CCPG1: variants seen among roughly 807,000 people sequenced by gnomAD.
CCPG1 encodes cell cycle progression protein 1.
Under a neutral mutation model 81.3 loss-of-function variants are expected in CCPG1, and 46 were observed. The observed-to-expected ratio is 0.57, with a 90% CI of 0.45 to 0.72. The LOEUF is 0.72. Among genes scored for constraint, CCPG1 ranks in the 30% least tolerant of loss-of-function variants. The probability of loss-of-function intolerance (pLI) is 0.00; values close to 1 mark genes in which losing one functional copy is unlikely to be tolerated. For synonymous variants in CCPG1, 330 were observed against 305.2 expected (o/e 1.08, Z -0.85); for missense variants, 902 against 937.6 (o/e 0.96, Z 0.50).
chr15:55,373,083 G>C, intron 5 of CCPG1: 1 of 509,820 alleles, frequency 2.0e-6, no homozygotes, highest in South Asian at 1.5e-5. Flanking sequence ...GAAAATAATA[G>C]TAGAGAAAAA....
intron 1 of CCPG1, among the ~76,000 whole-genome samples, chr15:55,398,886 C>G (rs1316767053): frequency 6.6e-6 from 1 of 152,052 alleles, no homozygotes; most frequent in African/African-American, 2.4e-5. Context: ...AGCATGAAAA[C>G]TTTTTTGAAG....
rs568771877 is a variant in CCPG1 at position 55,361,585 on chromosome 15, A to G, written c.829-641T>C. On this transcript the variant is annotated intron_variant, in intron 7 of 8. Coordinates refer to ENST00000442196, the MANE Select transcript of CCPG1 (RefSeq NM_001204450.2). ...GCTGGGCATGGTGGCATGCACCTGT[A>G]GTCCCAGCTACTTGGGAGGATGAGG... is the stretch of plus-strand genomic sequence containing the variant. Among the ~76,000 whole-genome samples the G allele has an allele frequency of 4.0e-4, 61 of 151,766 alleles. No homozygotes were observed. In the South Asian group the frequency reaches 0.012, roughly 31 times the overall value.
intron 6 of CCPG1, among the ~76,000 whole-genome samples, chr15:55,367,909 G>A: frequency 6.6e-6 from 1 of 152,078 alleles, no homozygotes; most frequent in East Asian, 1.9e-4. Context: ...TTAACTGACT[G>A]ACTATTCTAC....
At chr15:55,357,011 T>TA (rs1437351648) in intron 8 of CCPG1, 1 of 985,394 alleles carries the variant, frequency 1.0e-6, no homozygotes, top group Non-Finnish European at 1.2e-6. Flanking sequence ...ATTTTCAAGG[T>TA]ACCACTCCCC....
In CCPG1 at chr15:55,355,530, AG is replaced by A; in HGVS notation, c.*689del. On this transcript the variant is annotated 3_prime_UTR_variant, in exon 9 of 9. Coordinates refer to ENST00000442196, the MANE Select transcript of CCPG1 (RefSeq NM_001204450.2). Reference sequence around the variant, plus strand: ...GTAAGATTCATGGAACTTAGAAAAAAGCTGTATGAACTGCTTTACCAAATAT... The same window carrying A: ...GTAAGATTCATGGAACTTAGAAAAAACTGTATGAACTGCTTTACCAAATAT... The A allele has an allele frequency of 2.1e-6, 2 of 964,358 alleles. No individual in the cohort carries two copies. The highest frequency in any genetic ancestry group is 3.1e-6 in the Non-Finnish European group (2 of 646,446). 59.7% of individuals were successfully genotyped at this position (964,358 alleles called of 1,614,324 possible).
In CCPG1 at chr15:55,359,557, GA is replaced by G; in HGVS notation, c.2215del (p.Ser739ProfsTer16). 1.9e-6 allele frequency: 3 copies of G among 1,609,240 alleles called. No individual in the cohort carries two copies. Among genetic ancestry groups the G allele is most frequent in the South Asian group, 1.1e-5 (1 of 90,022 alleles). On this transcript the variant is annotated frameshift_variant, in exon 8 of 9. Transcript: ENST00000442196. LOFTEE classifies it high-confidence loss of function. ...IYRHFFGHTF[S>X]PPYGPSRPDK... ...AACCGACCTGGGTCCATATGGAGGG[GA>G]AAAAGTGTGACCAAAGAAGTGTCTA...
intron 1 of CCPG1, among the ~76,000 whole-genome samples, chr15:55,398,636 C>CA (rs1164393360): frequency 6.6e-6 from 1 of 151,808 alleles, no homozygotes; most frequent in Non-Finnish European, 1.5e-5. Context: ...GGCTGGAGAG[C>CA]AGTGGCGCGA....
chr15:55,373,013 G>C, intron 5 of CCPG1: 1 of 534,640 alleles, frequency 1.9e-6, no homozygotes. Flanking sequence ...ATGTCAGCAT[G>C]AGGAAGTGAC....
At position 55,383,064 on chromosome 15, in the gene CCPG1, AG is replaced by A. The variant is rs1458667397; in HGVS notation, c.175+2535del. On this transcript the variant is annotated intron_variant, in intron 3 of 8. Transcript: ENST00000442196. ...CATCAGAACAATCACTATCTATAGC[AG>A]CTACAGCCTTACAAAATGTATTTAT... Among the ~76,000 whole-genome samples, 3 of 152,358 alleles carry A rather than the reference AG, an allele frequency of 2.0e-5. 1 individual carries two copies. The highest frequency in any genetic ancestry group is 7.2e-5 in the African/African-American group (3 of 41,588).
chr15:55,363,355 A>C (rs57094422), intron 7 of CCPG1, among the ~76,000 whole-genome samples: 27,907 of 145,332 alleles, frequency 0.19, 4,944 homozygotes, highest in African/African-American at 0.44. Flanking sequence ...TCTCAGAAAA[A>C]AAACAAACAA....
intron 5 of CCPG1, 34 bp from the exon 6 acceptor site, chr15:55,372,078 A>C: frequency 6.3e-7 from 1 of 1,587,142 alleles, no homozygotes; most frequent in Non-Finnish European, 8.6e-7. Flanking sequence ...TAGCTATTCA[A>C]AATCTTGGAA....
At position 55,394,865 on chromosome 15, in the gene CCPG1, T is replaced by TG. The variant is rs568074926; in HGVS notation, c.-9-5433dup. 2.2e-3 allele frequency among the ~76,000 whole-genome samples: 327 copies of TG among 152,028 alleles called. 4 individuals carry two copies. Among genetic ancestry groups the TG allele is most frequent in the Middle Eastern group, 0.02 (6 of 294 alleles). On this transcript the variant is annotated intron_variant, in intron 1 of 8. Coordinates refer to ENST00000442196, the MANE Select transcript of CCPG1 (RefSeq NM_001204450.2). ...GGACAATGAGAAGCCAGAGCCTGCATGATTGCTTAACTGACCACCTGCTGC... is the reference window on the plus strand; with the variant it reads ...GGACAATGAGAAGCCAGAGCCTGCATGGATTGCTTAACTGACCACCTGCTGC...
At chr15:55,400,972 T>C (rs527525919) in intron 1 of CCPG1, among the ~76,000 whole-genome samples, 198 of 152,344 alleles carry the variant, frequency 1.3e-3, no homozygotes, top group African/African-American at 4.5e-3. Context: ...ATGTAGAGGC[T>C]GGAAAACAGG....
intron 5 of CCPG1, among the ~76,000 whole-genome samples, chr15:55,375,869 T>C (rs1368994016): frequency 6.6e-6 from 1 of 152,040 alleles, no homozygotes; most frequent in Non-Finnish European, 1.5e-5. Flanking sequence ...TTTTTATTAT[T>C]TGTAGAGATG....
intron 5 of CCPG1, chr15:55,373,081 T>C (rs769753029): frequency 5.8e-6 from 3 of 512,968 alleles, no homozygotes; most frequent in South Asian, 4.5e-5. Flanking sequence ...ATGAAAATAA[T>C]AGTAGAGAAA....
intron 6 of CCPG1, among the ~76,000 whole-genome samples, chr15:55,366,308 ATT>A (rs61214049): frequency 4.1e-4 from 60 of 147,828 alleles, no homozygotes; most frequent in African/African-American, 1.4e-3. Flanking sequence ...AAAAATGAAA[ATT>A]TTTTTTTTTT....
At chr15:55,364,012 C>T (rs113844290) in intron 7 of CCPG1, among the ~76,000 whole-genome samples, 1 of 150,014 alleles carries the variant, frequency 6.7e-6, no homozygotes, top group African/African-American at 2.4e-5. Context: ...CCATATTGGC[C>T]AGGCTGGTCT....
At chr15:55,405,403 CATGTGA>C (rs1267441467) in intron 1 of CCPG1, among the ~76,000 whole-genome samples, 1 of 151,848 alleles carries the variant, frequency 6.6e-6, no homozygotes, top group Non-Finnish European at 1.5e-5. Flanking sequence ...ATGTCTGTGA[CATGTGA>C]CAGCTACTGG....
In CCPG1 at chr15:55,385,603, C is replaced by T. The variant is rs779779388; in HGVS notation, c.172G>A (p.Gly58Arg). Reference protein sequence around the residue: ...EELQALQIEQGESSQNGTVLM... With the variant: ...EELQALQIEQRESSQNGTVLM... ...TTAGAATTTGTGAACAACTTACCTCCTTGCTCTATCTGCAATGCTTGAAGC... is the reference window on the plus strand; with the variant it reads ...TTAGAATTTGTGAACAACTTACCTCTTTGCTCTATCTGCAATGCTTGAAGC... The change falls in exon 3 of 9, where the codon GGA (glycine) becomes AGA (arginine). Residue 58 changes from glycine to arginine, a missense_variant. Coordinates refer to ENST00000442196, the MANE Select transcript of CCPG1 (RefSeq NM_001204450.2). The T allele has an allele frequency of 2.3e-5, 36 of 1,555,926 alleles. No homozygotes were observed. Among genetic ancestry groups the T allele is most frequent in the Admixed American group, 1.1e-4 (6 of 54,704 alleles).
Sources: allele counts gnomAD v4.1 joint callset (sites outside exome capture counted in the v4.1 genomes callset), GRCh38; gene constraint gnomAD v4.1.1; transcripts MANE v1.5; gene names NCBI Gene and HGNC (gene_info 2026-07-23, HGNC 2026-07-21).